ANKS1A: variants seen among roughly 807,000 people sequenced by gnomAD.
The protein encoded by ANKS1A is ankyrin repeat and sterile alpha motif domain containing 1A.
In ANKS1A, 55 loss-of-function variants were observed where a neutral mutation model predicts 120.3. That is an observed-to-expected ratio of 0.46 (90% CI 0.37 to 0.57). The LOEUF is 0.57. Among genes scored for constraint, ANKS1A ranks in the 20% least tolerant of loss-of-function variants. ANKS1A has a pLI of 0.00. For synonymous variants in ANKS1A, 590 were observed against 604.7 expected, an observed-to-expected ratio of 0.98 and a Z score of 0.36; for missense variants, 1,123 against 1,480.3, an observed-to-expected ratio of 0.76 and a Z score of 3.96.
chr6:35,064,801 A>AC (rs1310711592), intron 13 of ANKS1A, among the ~76,000 whole-genome samples: 1 of 144,122 alleles, frequency 6.9e-6, no homozygotes, highest in African/African-American at 2.6e-5. Flanking sequence ...CCCCACCTCC[A>AC]CCCCCGTCCC....
chr6:35,064,724 A>C (rs1347370970), intron 13 of ANKS1A, among the ~76,000 whole-genome samples: 1 of 152,140 alleles, frequency 6.6e-6, no homozygotes, highest in African/African-American at 2.4e-5. Flanking sequence ...GGCCACTGCC[A>C]GCCTAAGCGA....
At chr6:35,073,851 A>C (rs537284017) in intron 13 of ANKS1A, among the ~76,000 whole-genome samples, 1 of 152,300 alleles carries the variant, frequency 6.6e-6, no homozygotes, top group East Asian at 1.9e-4. Flanking sequence ...AACTTCCAGA[A>C]ACGTTTCTTG....
intron 11 of ANKS1A, among the ~76,000 whole-genome samples, chr6:35,030,374 G>T (rs964010163): frequency 6.6e-6 from 1 of 152,088 alleles, no homozygotes; most frequent in African/African-American, 2.4e-5. Context: ...TCTCTAAGAT[G>T]GGGGGCTGTT....
In ANKS1A at chr6:34,909,802, A is replaced by G. The variant is rs148148875; in HGVS notation, c.197+20203A>G. On this transcript the variant is annotated intron_variant, in intron 1 of 23. Coordinates refer to ENST00000360359, the MANE Select transcript of ANKS1A (RefSeq NM_015245.3). ...GAGGTCTGGGTGGAGTATTAGAACT[A>G]AAAGGAGTTGTACAGACAAAGAAGG... is the stretch of plus-strand genomic sequence containing the variant. 7.9e-5 allele frequency among the ~76,000 whole-genome samples: 12 copies of G among 152,328 alleles called. No homozygotes were observed. In the East Asian group the frequency reaches 2.3e-3, roughly 29 times the overall value.
At chr6:34,901,098 G>A (rs1288371609) in intron 1 of ANKS1A, among the ~76,000 whole-genome samples, 1 of 152,012 alleles carries the variant, frequency 6.6e-6, no homozygotes, top group African/African-American at 2.4e-5. Flanking sequence ...ATTAGTTTTG[G>A]ACCCATAAGC....
chr6:35,059,660 G>A (rs984844888), intron 12 of ANKS1A, among the ~76,000 whole-genome samples: 2 of 152,158 alleles, frequency 1.3e-5, no homozygotes, highest in African/African-American at 2.4e-5. Context: ...CTTGCCCCTC[G>A]CCACGGCCCC....
chr6:35,087,273 C>G (rs1356220745), intron 23 of ANKS1A, among the ~76,000 whole-genome samples: 1 of 152,216 alleles, frequency 6.6e-6, no homozygotes, highest in Non-Finnish European at 1.5e-5. Flanking sequence ...AATTCTCCCC[C>G]TTGGGCTGAG....
intron 1 of ANKS1A, among the ~76,000 whole-genome samples, chr6:34,934,470 T>C (rs1183611377): frequency 6.6e-6 from 1 of 152,190 alleles, no homozygotes; most frequent in Non-Finnish European, 1.5e-5. Flanking sequence ...TTTATAACAC[T>C]AGGTGAAATT....
At chr6:35,007,673 T>C (rs1172401932) in intron 10 of ANKS1A, among the ~76,000 whole-genome samples, 1 of 152,244 alleles carries the variant, frequency 6.6e-6, no homozygotes, top group Non-Finnish European at 1.5e-5. Context: ...CTAATAGTGC[T>C]TGGGTCCAGG....
chr6:34,969,492 TG>T (rs1375137028), intron 2 of ANKS1A, among the ~76,000 whole-genome samples: 1 of 152,188 alleles, frequency 6.6e-6, no homozygotes. Context: ...TGACCTCAGG[TG>T]ATCCACCCGC....
chr6:35,048,063 T>C lies in ANKS1A; in HGVS notation c.2011-6036T>C, dbSNP rs1775798573. Among the ~76,000 whole-genome samples the C allele has an allele frequency of 2.6e-5, 4 of 152,008 alleles. No individual in the cohort carries two copies. The South Asian group carries it at 6.3e-4, about 24-fold the overall frequency. ...CAAAAATGAGGGGGCAGGTGGGAGG[T>C]TAGAGCCTTAGACCACGCTCTGGAA... On this transcript the variant is annotated intron_variant, in intron 11 of 23. Coordinates refer to ENST00000360359, the MANE Select transcript of ANKS1A (RefSeq NM_015245.3).
Position 34,961,112 on chromosome 6 carries a change from T to G in ANKS1A, c.198-6127T>G, listed in dbSNP as rs534109775. Among the ~76,000 whole-genome samples the G allele has an allele frequency of 5.9e-5, 9 of 152,364 alleles. No individual in the cohort carries two copies. The East Asian group carries it at 1.7e-3, about 29-fold the overall frequency. On this transcript the variant is annotated intron_variant, in intron 1 of 23. Transcript: ENST00000360359. ...TGCACAATCTTTACAGGTTAAACTT[T>G]GCTTAGGAATCTCCTAGGCTGTGTT...
At position 34,982,653 on chromosome 6, in the gene ANKS1A, T is replaced by C. The variant is rs116093080; in HGVS notation, c.733-99T>C. The C allele has an allele frequency of 2.4e-3, 2,998 of 1,235,512 alleles. 14 individuals are homozygous for C. The highest frequency in any genetic ancestry group is 0.018 in the African/African-American group (1,185 of 67,676). 76.5% of individuals were successfully genotyped at this position (1,235,512 alleles called of 1,614,324 possible). A position where few individuals can be genotyped will look rare whatever the true frequency, so the allele number is the denominator to read the frequency against. ...GACAGAGGGCTTTGTGTAGTTTGTTTTATTTTGTGTCCCTTCTTGTCTGTG... is the reference window on the plus strand; with the variant it reads ...GACAGAGGGCTTTGTGTAGTTTGTTCTATTTTGTGTCCCTTCTTGTCTGTG... On this transcript the variant is annotated intron_variant, in intron 4 of 23. Transcript: ENST00000360359. This position sits in a 1 kb window ranked among gnomAD's most constrained non-coding sequence, Gnocchi z 4.9.
chr6:34,978,217 C>CACTGCTGGAATT (rs1379197817), intron 3 of ANKS1A, among the ~76,000 whole-genome samples: 1 of 152,094 alleles, frequency 6.6e-6, no homozygotes, highest in Non-Finnish European at 1.5e-5. Context: ...CGGCTTCCCA[C>CACTGCTGGAATT]ACTGCTGGAA....
At chr6:34,914,376 A>G (rs76324131) in intron 1 of ANKS1A, among the ~76,000 whole-genome samples, 1,810 of 149,858 alleles carry the variant, frequency 0.012, 15 homozygotes, top group Middle Eastern at 0.021. Context: ...AACAATATTA[A>G]TTAAGGACTC....
chr6:34,932,418 TC>T (rs1769031983), intron 1 of ANKS1A, among the ~76,000 whole-genome samples: 3 of 151,282 alleles, frequency 2.0e-5, no homozygotes, highest in African/African-American at 7.3e-5. Context: ...CCTCAGGCGA[TC>T]CGCCTGAGGA....
intron 1 of ANKS1A, among the ~76,000 whole-genome samples, chr6:34,932,961 A>G (rs1041783838): frequency 1.3e-5 from 2 of 152,206 alleles, no homozygotes; most frequent in African/African-American, 2.4e-5. Context: ...CCAGAAATGT[A>G]TGAGTGTTCC....
chr6:35,071,402 G>A (rs1291375179), intron 13 of ANKS1A, among the ~76,000 whole-genome samples: 4 of 152,212 alleles, frequency 2.6e-5, no homozygotes, highest in African/African-American at 7.2e-5. Context: ...CCATACTGGA[G>A]TCAGGTTGGC....
At chr6:34,890,424 G>A (rs944158268) in intron 1 of ANKS1A, among the ~76,000 whole-genome samples, 2 of 152,178 alleles carry the variant, frequency 1.3e-5, no homozygotes, top group Non-Finnish European at 2.9e-5. Flanking sequence ...GCCTCTGGAT[G>A]TATCATTTTC....
Sources: gnomAD v4.1 joint callset for allele counts (sites outside exome capture counted in the v4.1 genomes callset) on GRCh38, gnomAD v4.1.1 for gene constraint, Gnocchi (gnomAD v3.1) non-coding constraint, MANE v1.5 for transcripts, NCBI Gene and HGNC (gene_info 2026-07-23, HGNC 2026-07-21) for gene names.